RHBDF1: variants seen among roughly 807,000 people sequenced by gnomAD.
RHBDF1 encodes rhomboid 5 homolog 1.
A neutral mutation model predicts 98.6 loss-of-function variants in RHBDF1; 80 were observed. The ratio of observed to expected loss-of-function variants is 0.81; its 90% CI spans 0.68 to 0.98. RHBDF1 has a LOEUF of 0.98. RHBDF1 is among the 50% of genes least tolerant of loss of function. The pLI is 0.00. For synonymous variants in RHBDF1, 512 were observed against 486.8 expected (o/e 1.05, Z -0.68); for missense variants, 1,116 against 1,198.3 (o/e 0.93, Z 1.01).
At chr16:64,471 A>C in intron 3 of RHBDF1, 1 of 1,512,486 alleles carries the variant, frequency 6.6e-7, no homozygotes, top group African/African-American at 1.4e-5. Context: ...GGCGGTGGAG[A>C]CAGAGAAGGA....
Position 62,905 on chromosome 16 carries a change from C to T in RHBDF1, c.673-8G>A, listed in dbSNP as rs757531797. 8.7e-6 allele frequency: 14 copies of T among 1,613,560 alleles called. No homozygotes were observed. Among genetic ancestry groups the T allele is most frequent in the South Asian group, 2.2e-5 (2 of 91,092 alleles). The stretch of plus-strand genomic sequence containing the variant: ...ATCCCTAACGGAGCGGCCCTGGGGA[C>T]GGGGAAGTGAGCATGAGACCCGGCT... On this transcript the variant is annotated splice_polypyrimidine_tract_variant and splice_region_variant and intron_variant, in intron 5 of 17. Transcript: ENST00000262316.
Position 61,227 on chromosome 16 carries a change from G to A in RHBDF1, c.1450C>T (p.Gln484Ter), listed in dbSNP as rs767234057. ...GCCGAGCGAATGAAGCTGTGCACCT[G>A]CGGGTCCTGGCGCATGCAGGGCGAA... ...KFSPCMRQDP[Q>*]VHSFIRSARE... Residue 484 changes from glutamine (Q) to a stop codon, truncating the protein, a stop_gained, in exon 11 of 18, where the codon CAG becomes TAG. Transcript: ENST00000262316. LOFTEE classifies it high-confidence loss of function. 1 of 1,545,868 alleles carries A rather than the reference G, an allele frequency of 6.5e-7. No homozygotes were observed. Among genetic ancestry groups the A allele is most frequent in the South Asian group, 1.2e-5 (1 of 83,956 alleles).
At chr16:67,253 C>A (rs1337088335) in intron 1 of RHBDF1, among the ~76,000 whole-genome samples, 1 of 152,226 alleles carries the variant, frequency 6.6e-6, no homozygotes, top group Non-Finnish European at 1.5e-5. Flanking sequence ...TGAGTACACT[C>A]CCAGCATGTT....
At chr16:60,008 T>C in intron 13 of RHBDF1, 182 bp from the exon 14 acceptor site, 1 of 1,474,412 alleles carries the variant, frequency 6.8e-7, no homozygotes, top group Non-Finnish European at 9.0e-7. Flanking sequence ...ACTTGACCTT[T>C]CAAGTCTCCA....
intron 3 of RHBDF1, 97 bp downstream of exon 3, chr16:64,600 CAA>C: frequency 6.5e-7 from 1 of 1,541,088 alleles, no homozygotes; most frequent in Non-Finnish European, 8.7e-7. Context: ...GAAGCTGAAA[CAA>C]GAGGGCCCTT....
chr16:58,438 C>T lies in RHBDF1; in HGVS notation c.2470G>A (p.Val824Ile), dbSNP rs369772748. 35 of 1,613,924 alleles carry T rather than the reference C, an allele frequency of 2.2e-5. No homozygotes were observed. The highest frequency in any genetic ancestry group is 5.0e-5 in the Admixed American group (3 of 60,006). Residue 824 changes from valine (V) to isoleucine (I), a missense_variant, in exon 18 of 18, where the codon GTC (valine) becomes ATC (isoleucine). Coordinates refer to ENST00000262316, the MANE Select transcript of RHBDF1 (RefSeq NM_022450.5). The stretch of plus-strand genomic sequence containing the variant: ...CACCACTCACAGCGGACAGGATAGA[C>T]GTAGAAGAGGACCACCAGGCCAGCC... ...LLAGLVVLFY[V>I]YPVRCEWCEF...
At chr16:63,396 G>T (rs1315057095) in intron 4 of RHBDF1, among the ~76,000 whole-genome samples, 191 bp downstream of exon 4, 1 of 152,184 alleles carries the variant, frequency 6.6e-6, no homozygotes, top group Non-Finnish European at 1.5e-5. Flanking sequence ...GCAATCCCAA[G>T]ACCATGTCCC....
At position 59,721 on chromosome 16, in the gene RHBDF1, C is replaced by T. The variant is rs370280647; in HGVS notation, c.1817+11G>A. On this transcript the variant is annotated intron_variant, in intron 14 of 17. Coordinates refer to ENST00000262316, the MANE Select transcript of RHBDF1 (RefSeq NM_022450.5). ...CAGAGACCAGCTGCACTCGCTGGCA[C>T]GCACACGTACCTGCCCTTGGTGCCA... is the stretch of plus-strand genomic sequence containing the variant. 3.6e-5 allele frequency: 58 copies of T among 1,613,104 alleles called. 1 individual carries two copies. Among genetic ancestry groups the T allele is most frequent in the Middle Eastern group, 1.6e-4 (1 of 6,082 alleles).
chr16:69,471 A>G (rs216611), intron 1 of RHBDF1, among the ~76,000 whole-genome samples: 14,604 of 152,032 alleles, frequency 0.096, 1,562 homozygotes, highest in African/African-American at 0.25. Context: ...CTCAGCTCAC[A>G]TGAGCCTCAT....
chr16:59,550 C>T (rs1183551826), intron 14 of RHBDF1, 56 bp from the exon 15 acceptor site: 1 of 1,567,556 alleles, frequency 6.4e-7, no homozygotes, highest in South Asian at 1.1e-5. Flanking sequence ...GGATTGCTGG[C>T]ATCCAGGGCG....
rs373520160 is a variant in RHBDF1 at position 70,778 on chromosome 16, C to G, written c.-25+1735G>C. Among the ~76,000 whole-genome samples the G allele has an allele frequency of 3.6e-4, 55 of 152,354 alleles. 2 individuals carry two copies. In the South Asian group the frequency reaches 0.01, roughly 29 times the overall value. Reference sequence around the variant, plus strand: ...ACCCTGTCTGCAGACCCCCAGAAGACAAGGCAGACCACCTGGGTTCTTCAG... The same window carrying G: ...ACCCTGTCTGCAGACCCCCAGAAGAGAAGGCAGACCACCTGGGTTCTTCAG... On this transcript the variant is annotated intron_variant, in intron 1 of 17. Coordinates refer to ENST00000262316, the MANE Select transcript of RHBDF1 (RefSeq NM_022450.5).
chr16:60,554 C>A lies in RHBDF1; in HGVS notation c.1558-15G>T, dbSNP rs1382314970. On this transcript the variant is annotated splice_polypyrimidine_tract_variant and intron_variant, in intron 11 of 17. Coordinates refer to ENST00000262316, the MANE Select transcript of RHBDF1 (RefSeq NM_022450.5). ...GCCAGCGTGGACTGTGGGAGGGGGA[C>A]ACAGGGTCAGGTCCAGTTGGGTCAG... 3 of 1,600,514 alleles carry A rather than the reference C, an allele frequency of 1.9e-6. No individual in the cohort carries two copies. In the South Asian group the frequency reaches 3.3e-5, roughly 18 times the overall value.
intron 6 of RHBDF1, 37 bp downstream of exon 6, chr16:62,738 G>A: frequency 6.2e-7 from 1 of 1,614,096 alleles, no homozygotes; most frequent in Non-Finnish European, 8.5e-7. Context: ...GGCAGGAAGG[G>A]AACGTGGGGT....
chr16:65,763 G>A (rs535867029), intron 1 of RHBDF1, among the ~76,000 whole-genome samples: 2 of 152,352 alleles, frequency 1.3e-5, no homozygotes, highest in East Asian at 3.9e-4. Flanking sequence ...GAAAGAGGGT[G>A]ACACAGCAGC....
intron 3 of RHBDF1, 25 bp from the exon 4 acceptor site, chr16:63,825 G>A (rs1420882957): frequency 4.4e-6 from 7 of 1,604,604 alleles, no homozygotes; most frequent in African/African-American, 1.3e-5. Context: ...ACTCAGCAAG[G>A]GGCGGCCAGA....
Position 61,811 on chromosome 16 carries a change from T to A in RHBDF1, c.1195A>T (p.Met399Leu), listed in dbSNP as rs777672313. The change falls in exon 8 of 18, where the codon ATG becomes TTG. Residue 399 changes from methionine to leucine, a missense_variant. Transcript: ENST00000262316. ...TGCCACGCCTACCTGTGGTCGTCCA[T>A]GTCCTCGATCTGGCGCTTGACGAAG... ...DSFVKRQIED[M>L]DDHRPFFTYW... is the part of the protein sequence containing the mutation. 6.2e-7 allele frequency: 1 copy of A among 1,612,266 alleles called. No homozygotes were observed. The highest frequency in any genetic ancestry group is 8.5e-7 in the Non-Finnish European group (1 of 1,179,346).
chr16:72,760 G>C, upstream of RHBDF1: 1 of 858,676 alleles, frequency 1.2e-6, no homozygotes, highest in African/African-American at 2.4e-5. Context: ...AGGCCGCCGG[G>C]CTCCCTTCTC....
Position 58,490 on chromosome 16 carries a change from G to A in RHBDF1, c.2418C>T (p.Ile806=), listed in dbSNP as rs772125685. 9.3e-6 allele frequency: 15 copies of A among 1,613,978 alleles called. No individual in the cohort carries two copies. In the Admixed American group the frequency reaches 1.7e-4, roughly 18 times the overall value. ...GGAGGCCCAGGAAGACCACCTGAAA[G>A]ATGATGATCTGGCAGCGTTTCCGGT... ...DLYRKRCQII[I]FQVVFLGLLA... The change falls in exon 18 of 18, where the codon ATC becomes ATT. Residue 806 remains isoleucine (I), a synonymous_variant. Coordinates refer to ENST00000262316, the MANE Select transcript of RHBDF1 (RefSeq NM_022450.5).
chr16:63,911 A>G, intron 3 of RHBDF1, 111 bp from the exon 4 acceptor site: 1 of 943,152 alleles, frequency 1.1e-6, no homozygotes, highest in Non-Finnish European at 1.7e-6. Context: ...TAGTCACTCC[A>G]GGGACCAGGG....
Sources: allele counts gnomAD v4.1 joint callset (sites outside exome capture counted in the v4.1 genomes callset), GRCh38; gene constraint gnomAD v4.1.1; transcripts MANE v1.5; gene names NCBI Gene and HGNC (gene_info 2026-07-23, HGNC 2026-07-21).